Variants in AGBL1 observed in about 807,000 individuals in gnomAD.
AGBL1 encodes the protein cytosolic carboxypeptidase 4.
A neutral mutation model predicts 118.9 loss-of-function variants in AGBL1; 130 were observed. The ratio of observed to expected loss-of-function variants is 1.09; its 90% CI spans 0.95 to 1.26. The LOEUF (loss-of-function observed/expected upper bound fraction) is 1.26, where lower values mean the gene tolerates loss of function less well. Among genes scored for constraint, AGBL1 ranks in the 50% most tolerant of loss-of-function variants. The pLI, the probability that AGBL1 is intolerant of heterozygous loss-of-function variation, is 0.00. For synonymous variants in AGBL1, 555 were observed against 478.9 expected (o/e 1.16, Z -2.08); for missense variants, 1,584 against 1,298.1 (o/e 1.22, Z -3.38).
chr15:86,415,525 AAC>A (rs1288037781), intron 18 of AGBL1, among the ~76,000 whole-genome samples: 11 of 152,196 alleles, frequency 7.2e-5, no homozygotes, highest in Non-Finnish European at 1.5e-4. Context: ...CACTTATAAG[AAC>A]AGTTATTATA....
chr15:86,979,317 T>C (rs1035362320), intron 23 of AGBL1, among the ~76,000 whole-genome samples: 1 of 152,176 alleles, frequency 6.6e-6, no homozygotes, highest in Non-Finnish European at 1.5e-5. Flanking sequence ...TTATTTCAAA[T>C]AAAATAACTA....
At chr15:86,418,643 T>C (rs1204687752) in intron 18 of AGBL1, among the ~76,000 whole-genome samples, 1 of 152,166 alleles carries the variant, frequency 6.6e-6, no homozygotes, top group Non-Finnish European at 1.5e-5. Context: ...TAATTTCCCA[T>C]AGATTACTGA....
chr15:86,420,279 A>T (rs1373816920), intron 18 of AGBL1, among the ~76,000 whole-genome samples: 1 of 152,156 alleles, frequency 6.6e-6, no homozygotes, highest in African/African-American at 2.4e-5. Context: ...AACAGGCAGC[A>T]ATCTTTGCTG....
intron 6 of AGBL1, among the ~76,000 whole-genome samples, chr15:86,233,359 G>C (rs2078487045): frequency 6.6e-6 from 1 of 151,182 alleles, no homozygotes; most frequent in Admixed American, 6.6e-5. Flanking sequence ...GAGGAGATTA[G>C]AAATTCTTTA....
chr15:86,229,593 C>T (rs1294101114), intron 6 of AGBL1, among the ~76,000 whole-genome samples: 1 of 152,056 alleles, frequency 6.6e-6, no homozygotes, highest in Non-Finnish European at 1.5e-5. Flanking sequence ...CTTCTTCTAC[C>T]TTCATCTCTG....
At chr15:86,792,139 C>G (rs962563216) in intron 22 of AGBL1, among the ~76,000 whole-genome samples, 2 of 152,172 alleles carry the variant, frequency 1.3e-5, no homozygotes, top group African/African-American at 2.4e-5. Flanking sequence ...CACACTTATT[C>G]TGAAGTAGGC....
At chr15:86,570,107 C>T (rs2083981917) in intron 21 of AGBL1, among the ~76,000 whole-genome samples, 1 of 149,972 alleles carries the variant, frequency 6.7e-6, no homozygotes, top group South Asian at 2.1e-4. Flanking sequence ...CTTGGAGTAG[C>T]ATTTCCATAC....
intron 22 of AGBL1, among the ~76,000 whole-genome samples, chr15:86,750,334 C>A (rs1194483152): frequency 2.0e-5 from 3 of 151,730 alleles, no homozygotes; most frequent in African/African-American, 7.3e-5. Context: ...TATTTCAATA[C>A]CTGTATACAA....
At chr15:86,750,910 A>G (rs1215936378) in intron 22 of AGBL1, among the ~76,000 whole-genome samples, 1 of 151,996 alleles carries the variant, frequency 6.6e-6, no homozygotes, top group Non-Finnish European at 1.5e-5. Flanking sequence ...CTGTTCCTGC[A>G]TTAGTTTGCC....
intron 5 of AGBL1, among the ~76,000 whole-genome samples, chr15:86,180,384 G>A (rs1317399316): frequency 6.6e-6 from 1 of 152,100 alleles, no homozygotes; most frequent in Non-Finnish European, 1.5e-5. Context: ...ATAAACCCAT[G>A]CATGAACAAT....
At chr15:86,756,689 G>A (rs1336720653) in intron 22 of AGBL1, among the ~76,000 whole-genome samples, 2 of 152,076 alleles carry the variant, frequency 1.3e-5, no homozygotes, top group Non-Finnish European at 2.9e-5. Flanking sequence ...AGAGGGTGCA[G>A]CATTTGTAAA....
intron 6 of AGBL1, among the ~76,000 whole-genome samples, chr15:86,236,918 C>T (rs12916149): frequency 0.99 from 118,642 of 119,640 alleles, 58,836 homozygotes; most frequent in African/African-American, 1. Flanking sequence ...TCCACACACA[C>T]GGGGATATGT....
chr15:86,759,499 T>C (rs1033796810), intron 22 of AGBL1, among the ~76,000 whole-genome samples: 1 of 152,142 alleles, frequency 6.6e-6, no homozygotes, highest in African/African-American at 2.4e-5. Flanking sequence ...CCCCCAAATG[T>C]TCTTATATAA....
intron 21 of AGBL1, among the ~76,000 whole-genome samples, chr15:86,578,562 T>C (rs2084128527): frequency 6.6e-6 from 1 of 152,140 alleles, no homozygotes; most frequent in Non-Finnish European, 1.5e-5. Flanking sequence ...GGGCCAAGTG[T>C]GGAATGATAT....
intron 6 of AGBL1, among the ~76,000 whole-genome samples, chr15:86,244,055 A>ATAGATAAG (rs2078679769): frequency 1.3e-5 from 1 of 75,998 alleles, no homozygotes; most frequent in Non-Finnish European, 2.4e-5. Context: ...AGATAGATAG[A>ATAGATAAG]TAAATAAGTA....
At chr15:86,790,994 CTT>C (rs1466865632) in intron 22 of AGBL1, among the ~76,000 whole-genome samples, 2 of 152,156 alleles carry the variant, frequency 1.3e-5, no homozygotes, top group Non-Finnish European at 2.9e-5. Flanking sequence ...AAAGATCAAT[CTT>C]TGTCAGAATT....
chr15:86,547,783 T>A (rs2083605306), intron 20 of AGBL1, among the ~76,000 whole-genome samples: 1 of 152,192 alleles, frequency 6.6e-6, no homozygotes, highest in South Asian at 2.1e-4. Flanking sequence ...TTCTCCCTTG[T>A]GAAATTAGGA....
intron 17 of AGBL1, among the ~76,000 whole-genome samples, chr15:86,342,146 C>CT (rs533326748): frequency 1.3e-5 from 2 of 152,258 alleles, no homozygotes; most frequent in Non-Finnish European, 2.9e-5. Flanking sequence ...ATCTAACATC[C>CT]TTTTTTTACT....
intron 1 of AGBL1, among the ~76,000 whole-genome samples, chr15:86,084,213 T>C (rs1479968763): frequency 6.6e-6 from 1 of 152,258 alleles, no homozygotes; most frequent in African/African-American, 2.4e-5. Context: ...AGAGAAGGGA[T>C]GATGACAGTG....
Sources: allele counts gnomAD v4.1 joint callset (sites outside exome capture counted in the v4.1 genomes callset), GRCh38; gene constraint gnomAD v4.1.1; transcripts MANE v1.5; gene names NCBI Gene and HGNC (gene_info 2026-07-23, HGNC 2026-07-21).